Variants in CCNC observed in about 807,000 individuals in gnomAD.
CCNC encodes the protein cyclin C, also known as cyclin-C.
In CCNC, 19 loss-of-function variants were observed where a neutral mutation model predicts 50.0. That is an observed-to-expected ratio of 0.38 (90% CI 0.27 to 0.56). The LOEUF is 0.56. Among genes scored for constraint, CCNC ranks in the 20% least tolerant of loss-of-function variants. CCNC has a pLI of 0.72. For synonymous variants in CCNC, 93 were observed against 103.7 expected, an observed-to-expected ratio of 0.90 and a Z score of 0.63; for missense variants, 200 against 327.1, an observed-to-expected ratio of 0.61 and a Z score of 3.00.
At position 99,551,911 on chromosome 6, in the gene CCNC, A is replaced by T. The variant is rs750786536; in HGVS notation, c.347-16T>A. The T allele has an allele frequency of 2.2e-6, 3 of 1,391,808 alleles. No homozygotes were observed. The East Asian group carries it at 7.8e-5, about 36-fold the overall frequency. 86.2% of individuals were successfully genotyped at this position (1,391,808 alleles called of 1,614,324 possible). A position where few individuals can be genotyped will look rare whatever the true frequency, so the allele number is the denominator to read the frequency against. ...CTAGTTTTTACTGCAGAAAATAAAA[A>T]AAAAATTTAAACTGAGAAAATGGGA... On this transcript the variant is annotated splice_polypyrimidine_tract_variant and intron_variant, in intron 5 of 11. Coordinates refer to ENST00000520429, the MANE Select transcript of CCNC (RefSeq NM_005190.4).
At position 99,543,537 on chromosome 6, in the gene CCNC, G is replaced by A; in HGVS notation, c.*18C>T. ...GGTTTATTTCCAAGTGGTCCACTAT[G>A]GAATTCTTCGGAATGTTTTAAGATT... On this transcript the variant is annotated 3_prime_UTR_variant, in exon 12 of 12. Transcript: ENST00000520429. The A allele has an allele frequency of 6.2e-7, 1 of 1,612,790 alleles. No homozygotes were observed. The highest frequency in any genetic ancestry group is 1.1e-5 in the South Asian group (1 of 91,004).
chr6:99,545,350 G>T, intron 10 of CCNC, 120 bp from the exon 11 acceptor site: 1 of 601,226 alleles, frequency 1.7e-6, no homozygotes, highest in Non-Finnish European at 3.0e-6. Flanking sequence ...CTTAAATCCT[G>T]ATAAATTTGA....
At chr6:99,546,269 G>A in intron 10 of CCNC, 126 bp downstream of exon 10, 1 of 665,490 alleles carries the variant, frequency 1.5e-6, no homozygotes, top group Non-Finnish European at 2.6e-6. Flanking sequence ...CCCAGCCCAT[G>A]TTTCTTAATA....
chr6:99,546,381 A>G lies in CCNC; in HGVS notation c.678+14T>C, dbSNP rs780307872. 6.4e-7 allele frequency: 1 copy of G among 1,572,080 alleles called. No individual in the cohort carries two copies. The highest frequency in any genetic ancestry group is 1.7e-5 in the Admixed American group (1 of 59,896). On this transcript the variant is annotated intron_variant, in intron 10 of 11. Transcript: ENST00000520429. ...TTTTTAAACATCCAAGTTTACATAC[A>G]ACTAAGGGAATACCTTTTCCATATC... is the stretch of plus-strand genomic sequence containing the variant.
chr6:99,559,191 T>TAAA (rs769090651), intron 4 of CCNC, among the ~76,000 whole-genome samples: 1 of 119,396 alleles, frequency 8.4e-6, no homozygotes, highest in African/African-American at 3.0e-5. Context: ...CCAAAAGAAC[T>TAAA]AAAAAAAAAA....
intron 8 of CCNC, among the ~76,000 whole-genome samples, chr6:99,550,010 A>G (rs184821547): frequency 3.7e-4 from 57 of 152,318 alleles, no homozygotes; most frequent in Admixed American, 1.1e-3. Context: ...TTTAATAGGT[A>G]TATTTATGGA....
chr6:99,553,662 A>G (rs560844030), intron 5 of CCNC, among the ~76,000 whole-genome samples: 41 of 152,274 alleles, frequency 2.7e-4, no homozygotes, highest in African/African-American at 9.1e-4. Flanking sequence ...AAAGCAAAAC[A>G]AACTCTACCT....
At chr6:99,549,253 A>G in intron 9 of CCNC, 2 of 550,952 alleles carry the variant, frequency 3.6e-6, no homozygotes, top group Non-Finnish European at 6.4e-6. Flanking sequence ...AATATGTTCT[A>G]TTCAGACACC....
intron 1 of CCNC, 181 bp downstream of exon 1, chr6:99,568,315 G>A (rs1176728714): frequency 1.7e-6 from 1 of 602,444 alleles, no homozygotes; most frequent in Non-Finnish European, 2.9e-6. Flanking sequence ...CGAAACTGGG[G>A]CTGGGGGCGG....
At chr6:99,560,058 T>G (rs185010861) in intron 4 of CCNC, among the ~76,000 whole-genome samples, 26 of 152,182 alleles carry the variant, frequency 1.7e-4, no homozygotes, top group African/African-American at 6.3e-4. Flanking sequence ...AGGGAAAACT[T>G]TCATTCAGTA....
chr6:99,561,287 A>G (rs1303110538), intron 4 of CCNC, 80 bp downstream of exon 4: 2 of 867,206 alleles, frequency 2.3e-6, no homozygotes, highest in Admixed American at 1.9e-5. Flanking sequence ...TTAATTTTAC[A>G]TAGGCCATGT....
At chr6:99,561,090 C>A (rs1009570458) in intron 4 of CCNC, among the ~76,000 whole-genome samples, 4 of 152,176 alleles carry the variant, frequency 2.6e-5, no homozygotes, top group African/African-American at 9.7e-5. Flanking sequence ...GCAAGTTCTT[C>A]ATCTCTGTCT....
chr6:99,546,464 A>G lies in CCNC; in HGVS notation c.609T>C (p.His203=), dbSNP rs1245610556. 1.2e-6 allele frequency: 2 copies of G among 1,611,376 alleles called. No homozygotes were observed. Among genetic ancestry groups the G allele is most frequent in the South Asian group, 1.1e-5 (1 of 90,892 alleles). Residue 203 remains histidine (H), a synonymous_variant, in exon 10 of 12, where the codon CAT becomes CAC. Coordinates refer to ENST00000520429, the MANE Select transcript of CCNC (RefSeq NM_005190.4). ...CTTTCTGCTGTACAACACAGGCTAC[A>G]TGTAGGCAAGCTGAAATGAAAATGA... The part of the protein sequence containing the change: ...PPFMIALACL[H]VACVVQQKDA...
At chr6:99,554,560 T>C (rs1010607446) in intron 5 of CCNC, among the ~76,000 whole-genome samples, 2 of 152,228 alleles carry the variant, frequency 1.3e-5, no homozygotes, top group Non-Finnish European at 2.9e-5. Context: ...TATCCAATGC[T>C]ATTTTTAAAA....
intron 5 of CCNC, among the ~76,000 whole-genome samples, chr6:99,555,434 CTCTTT>C (rs1275249712): frequency 1.5e-5 from 1 of 64,974 alleles, no homozygotes; most frequent in African/African-American, 9.4e-5. Context: ...CATTGTGGAA[CTCTTT>C]TTTTTTTTAA....
chr6:99,552,228 C>T (rs901806582), intron 5 of CCNC, among the ~76,000 whole-genome samples: 1 of 152,020 alleles, frequency 6.6e-6, no homozygotes, highest in Non-Finnish European at 1.5e-5. Flanking sequence ...TTTCCAGTGA[C>T]TGAGCTTAGA....
chr6:99,563,903 TA>T (rs202142179), intron 1 of CCNC, among the ~76,000 whole-genome samples: 2 of 151,498 alleles, frequency 1.3e-5, no homozygotes, highest in East Asian at 1.9e-4. Flanking sequence ...ATAGCTGGTA[TA>T]AAAAAAAACT....
At chr6:99,568,227 G>A (rs754960386) in intron 1 of CCNC, 8 of 524,634 alleles carry the variant, frequency 1.5e-5, no homozygotes, top group African/African-American at 1.9e-5. Context: ...CCAAGAATCC[G>A]AAATTAAACT....
At chr6:99,568,779 G>T (rs1176119561), upstream of CCNC, 2 of 1,255,442 alleles carry the variant, frequency 1.6e-6, no homozygotes, top group East Asian at 2.9e-5. Context: ...AGCCGGAGGG[G>T]AGGTGCTGAC....
Sources: gnomAD v4.1 joint callset for allele counts (sites outside exome capture counted in the v4.1 genomes callset) on GRCh38, gnomAD v4.1.1 for gene constraint, MANE v1.5 for transcripts, NCBI Gene and HGNC (gene_info 2026-07-23, HGNC 2026-07-21) for gene names.